The following LARGE1 variants were observed in gnomAD, a reference collection of about 807,000 sequenced individuals.
LARGE1 encodes the protein LARGE xylosyl- and glucuronyltransferase 1, also known as xylosyl- and glucuronyltransferase LARGE1.
In LARGE1, 43 loss-of-function variants were observed where a neutral mutation model predicts 87.6. The observed-to-expected ratio is 0.49, with a 90% CI of 0.38 to 0.63. The LOEUF (loss-of-function observed/expected upper bound fraction) is 0.63. Among genes scored for constraint, LARGE1 ranks in the 30% least tolerant of loss-of-function variants. LARGE1 has a pLI of 0.00. For missense variants in LARGE1, 802 were observed against 1,000.2 expected (o/e 0.80, Z 2.67); for synonymous variants, 434 against 394.6 (o/e 1.10, Z -1.18).
At chr22:33,660,803 C>T (rs889640119) in intron 2 of LARGE1, among the ~76,000 whole-genome samples, 1 of 152,180 alleles carries the variant, frequency 6.6e-6, no homozygotes, top group Non-Finnish European at 1.5e-5. Context: ...TATAGAATTT[C>T]TTAATTTTCT....
chr22:33,171,421 T>C (rs1030669585), intron 11 of LARGE1, among the ~76,000 whole-genome samples: 5 of 152,112 alleles, frequency 3.3e-5, no homozygotes, highest in Non-Finnish European at 5.9e-5. Context: ...ATGAGGAAAA[T>C]GTCTCCAGGG....
At chr22:33,413,136 A>G (rs2066368468) in intron 7 of LARGE1, among the ~76,000 whole-genome samples, 1 of 152,206 alleles carries the variant, frequency 6.6e-6, no homozygotes, top group South Asian at 2.1e-4. Context: ...TTTAAAAAAT[A>G]GTCTAAAATA....
chr22:33,692,593 G>A (rs1371434730), intron 2 of LARGE1, among the ~76,000 whole-genome samples: 2 of 152,210 alleles, frequency 1.3e-5, no homozygotes, highest in African/African-American at 4.8e-5. Flanking sequence ...TTATAGGCGT[G>A]AGCCACCGCG....
intron 6 of LARGE1, among the ~76,000 whole-genome samples, chr22:33,529,399 T>G (rs1008517759): frequency 6.6e-6 from 1 of 152,208 alleles, no homozygotes; most frequent in Non-Finnish European, 1.5e-5. Flanking sequence ...GTTGCCCCAT[T>G]ACCTACTGGG....
chr22:33,895,530 G>A (rs146011209), intron 1 of LARGE1, among the ~76,000 whole-genome samples: 2 of 152,292 alleles, frequency 1.3e-5, no homozygotes, highest in Non-Finnish European at 1.5e-5. Context: ...GAGCTCTGGG[G>A]CCGAATCCAC....
chr22:33,886,286 G>C (rs2064842725), intron 1 of LARGE1, among the ~76,000 whole-genome samples: 1 of 152,230 alleles, frequency 6.6e-6, no homozygotes, highest in Admixed American at 6.5e-5. Flanking sequence ...CCTACAGGAT[G>C]TTCCTGTGAC....
chr22:33,799,353 C>G (rs867124), intron 1 of LARGE1, among the ~76,000 whole-genome samples: 137,604 of 152,256 alleles, frequency 0.9, 62,276 homozygotes, highest in East Asian at 0.97. Flanking sequence ...GAAAACAAAG[C>G]CATAATCCAT....
At chr22:33,571,157 G>A (rs974728126) in intron 5 of LARGE1, among the ~76,000 whole-genome samples, 14 of 152,208 alleles carry the variant, frequency 9.2e-5, no homozygotes, top group Admixed American at 2.6e-4. Flanking sequence ...CAGCAAAAAT[G>A]CAGTCATGCC....
At chr22:33,404,012 T>C (rs185699151) in intron 7 of LARGE1, among the ~76,000 whole-genome samples, 1 of 152,268 alleles carries the variant, frequency 6.6e-6, no homozygotes, top group Admixed American at 6.5e-5. Flanking sequence ...CCAGAACCCA[T>C]CTGAAAATAG....
intron 1 of LARGE1, among the ~76,000 whole-genome samples, chr22:33,796,487 A>G (rs1569450411): frequency 6.6e-6 from 1 of 152,212 alleles, no homozygotes; most frequent in Non-Finnish European, 1.5e-5. Context: ...CCCAGGGAAA[A>G]CAAAAAAGAG....
At chr22:33,544,522 A>G (rs974386167) in intron 6 of LARGE1, among the ~76,000 whole-genome samples, 1 of 152,092 alleles carries the variant, frequency 6.6e-6, no homozygotes, top group African/African-American at 2.4e-5. Flanking sequence ...CTCCATCTCT[A>G]CTAAAATTAC....
chr22:33,272,987 G>C lies in LARGE1; in HGVS notation c.*1440C>G, dbSNP rs1928447687. The C allele has an allele frequency of 6.3e-6, 1 of 159,690 alleles. No individual in the cohort carries two copies. The highest frequency in any genetic ancestry group is 6.5e-5 in the Admixed American group (1 of 15,486). 9.9% of individuals were successfully genotyped at this position (159,690 alleles called of 1,614,324 possible). ...ATGAGAAAAATAGAATGGGGGAACAGAAAGTGTGAAGTTGCTGTTTATCCA... is the reference window on the plus strand; with the variant it reads ...ATGAGAAAAATAGAATGGGGGAACACAAAGTGTGAAGTTGCTGTTTATCCA... On this transcript the variant is annotated 3_prime_UTR_variant, in exon 15 of 15. Coordinates refer to ENST00000397394, the MANE Select transcript of LARGE1 (RefSeq NM_133642.5).
chr22:33,419,659 T>A (rs2066622431), intron 7 of LARGE1, among the ~76,000 whole-genome samples: 2 of 119,076 alleles, frequency 1.7e-5, no homozygotes, highest in Non-Finnish European at 3.8e-5. Context: ...TGTGGCCAGA[T>A]GAATCTTTGT....
intron 1 of LARGE1, among the ~76,000 whole-genome samples, chr22:33,768,226 G>A (rs953778873): frequency 2.6e-5 from 4 of 152,200 alleles, no homozygotes; most frequent in South Asian, 4.1e-4. Flanking sequence ...AGAGAATGGC[G>A]TGAACCCAGG....
intron 1 of LARGE1, among the ~76,000 whole-genome samples, chr22:33,912,559 T>C (rs2065667669): frequency 1.3e-5 from 2 of 152,150 alleles, no homozygotes. Flanking sequence ...TCCATCTGCG[T>C]CTGCTGCCTG....
At chr22:33,471,835 C>G (rs1411208930) in intron 6 of LARGE1, among the ~76,000 whole-genome samples, 1 of 152,074 alleles carries the variant, frequency 6.6e-6, no homozygotes, top group East Asian at 1.9e-4. Context: ...GAGTTCTAGA[C>G]CAGCCTGGCC....
chr22:33,736,673 G>A (rs1332038421), intron 2 of LARGE1, among the ~76,000 whole-genome samples: 1 of 152,066 alleles, frequency 6.6e-6, no homozygotes, highest in Non-Finnish European at 1.5e-5. Flanking sequence ...TTTGTTGGTT[G>A]TGCTTCTAGT....
In LARGE1 at chr22:33,274,636, C is replaced by T; in HGVS notation, c.2074-12G>A. ...ATGAACTCATACTCCTGGAAGAAGA[C>T]AAGAGCAGCGTGAGAACCCGCAAGA... On this transcript the variant is annotated splice_polypyrimidine_tract_variant and intron_variant, in intron 14 of 14. Coordinates refer to ENST00000397394, the MANE Select transcript of LARGE1 (RefSeq NM_133642.5). 1.2e-6 allele frequency: 2 copies of T among 1,613,726 alleles called. No homozygotes were observed. Among genetic ancestry groups the T allele is most frequent in the East Asian group, 2.2e-5 (1 of 44,872 alleles).
At chr22:33,519,252 G>GTGTC (rs1569233389) in intron 6 of LARGE1, among the ~76,000 whole-genome samples, 1 of 151,998 alleles carries the variant, frequency 6.6e-6, no homozygotes, top group Non-Finnish European at 1.5e-5. Context: ...GTGTGTGTGT[G>GTGTC]TGTGTGGTCA....
Sources: allele counts gnomAD v4.1 joint callset (sites outside exome capture counted in the v4.1 genomes callset), GRCh38; gene constraint gnomAD v4.1.1; transcripts MANE v1.5; gene names NCBI Gene and HGNC (gene_info 2026-07-23, HGNC 2026-07-21).